VMA21: variants seen among roughly 807,000 people sequenced by gnomAD.
VMA21 encodes vacuolar ATPase assembly factor VMA21.
For missense variants in VMA21, 61 were observed against 80.6 expected (o/e 0.76, Z 0.93); for synonymous variants, 47 against 34.1 (o/e 1.38, Z -1.32).
At position 151,404,897 on chromosome X, in the gene VMA21, G is replaced by C. The variant is rs773306168; in HGVS notation, c.164-19G>C. ...TAAATTTTGCAATAAAATGGAAACT[G>C]TTTTTTTTCTCTTGATAGGCGCCCT... is the stretch of plus-strand genomic sequence containing the variant. On this transcript the variant is annotated intron_variant, in intron 2 of 2. Coordinates refer to ENST00000330374, the MANE Select transcript of VMA21 (RefSeq NM_001017980.4). 1.0e-5 allele frequency: 12 copies of C among 1,195,713 alleles called. No individual in the cohort carries two copies. Among genetic ancestry groups the C allele is most frequent in the African/African-American group, 1.8e-5 (1 of 55,376 alleles).
chrX:151,397,466 G>A (rs756607797), intron 1 of VMA21, 105 bp downstream of exon 1: 2 of 953,013 alleles, frequency 2.1e-6, no homozygotes, highest in Admixed American at 2.8e-5. Flanking sequence ...TCTGGACCCC[G>A]GGGACCTGGC....
At chrX:151,397,801 C>T (rs1176472855) in intron 1 of VMA21, among the ~76,000 whole-genome samples, 1 of 111,704 alleles carries the variant, frequency 9.0e-6, no homozygotes, top group East Asian at 2.8e-4. Context: ...GATTGCTTCA[C>T]TTGGGGAATC....
At position 151,406,810 on chromosome X, in the gene VMA21, ATTTATTT is replaced by A. The variant is rs1007726810; in HGVS notation, c.*1758_*1764del. On this transcript the variant is annotated 3_prime_UTR_variant, in exon 3 of 3. Transcript: ENST00000330374. ...AAACCATTACCGATTTGTTGTTCAC[ATTTATTT>A]TTTATGTTGTGAAACTGGACTAAAG... is the stretch of plus-strand genomic sequence containing the variant. 8.9e-6 allele frequency: 1 copy of A among 112,486 alleles called. No homozygotes were observed. The highest frequency in any genetic ancestry group is 3.2e-5 in the African/African-American group (1 of 30,953). The allele number at this position is 112,486 out of a possible 1,213,427, so 9.3% of individuals were successfully genotyped here. A position where few individuals can be genotyped will look rare whatever the true frequency, so the allele number is the denominator to read the frequency against.
intron 1 of VMA21, among the ~76,000 whole-genome samples, chrX:151,399,463 A>G (rs1185530265): frequency 8.9e-6 from 1 of 112,469 alleles, no homozygotes; most frequent in Non-Finnish European, 1.9e-5. Context: ...TTCCTTTAAC[A>G]AGTTAGATAA....
At position 151,407,522 on chromosome X, in the gene VMA21, A is replaced by G. The variant is rs1007549104; in HGVS notation, c.*2464A>G. The G allele has an allele frequency of 8.9e-6, 1 of 112,943 alleles. No homozygotes were observed. The highest frequency in any genetic ancestry group is 1.9e-5 in the Non-Finnish European group (1 of 53,330). The allele number at this position is 112,943 out of a possible 1,213,427, so 9.3% of individuals were successfully genotyped here. A position where few individuals can be genotyped will look rare whatever the true frequency, so the allele number is the denominator to read the frequency against. On this transcript the variant is annotated 3_prime_UTR_variant, in exon 3 of 3. Transcript: ENST00000330374. ...CAGTTGAGCCCTTATACATGTTTTA[A>G]GGTAGAAATATGTTCCCTATTGTTT...
intron 1 of VMA21, among the ~76,000 whole-genome samples, chrX:151,401,512 G>T (rs1355989813): frequency 8.9e-6 from 1 of 111,869 alleles, no homozygotes; most frequent in Non-Finnish European, 1.9e-5. Flanking sequence ...GGTTCTGTAT[G>T]ATGAATTTTA....
At chrX:151,396,845 C>T (rs1299317335), upstream of VMA21, 1 of 518,953 alleles carries the variant, frequency 1.9e-6, no homozygotes, top group African/African-American at 2.3e-5. Flanking sequence ...CTCATATGCT[C>T]GGGTCTCCTT....
In VMA21 at chrX:151,408,834, G is replaced by T. The variant is rs781342453; in HGVS notation, c.*3776G>T. 1.8e-5 allele frequency: 2 copies of T among 112,214 alleles called. No individual in the cohort carries two copies. The highest frequency in any genetic ancestry group is 6.5e-5 in the African/African-American group (2 of 30,726). 9.2% of individuals were successfully genotyped at this position (112,214 alleles called of 1,213,427 possible). A position where few individuals can be genotyped will look rare whatever the true frequency, so the allele number is the denominator to read the frequency against. ...CATCACTCCTGGCCACACTTTCCTT[G>T]CCTGTGTTGTTGCTATGTGTATTTG... is the stretch of plus-strand genomic sequence containing the variant. On this transcript the variant is annotated 3_prime_UTR_variant, in exon 3 of 3. Transcript: ENST00000330374.
At chrX:151,397,130 G>C (rs1434502617), upstream of VMA21, 3 of 357,084 alleles carry the variant, frequency 8.4e-6, no homozygotes, top group Admixed American at 1.3e-4. Flanking sequence ...GCCGCGCCGC[G>C]CCTGCGTACT....
chrX:151,403,601 C>T lies in VMA21; in HGVS notation c.54-30C>T, dbSNP rs773884302. ...GCGTTTGGATATGACTGTGCAGGTT[C>T]TGATTTTCTCTTTGTTTACTTTATT... On this transcript the variant is annotated intron_variant, in intron 1 of 2. Transcript: ENST00000330374. The T allele has an allele frequency of 1.6e-5, 18 of 1,093,272 alleles. No individual in the cohort carries two copies. The South Asian group carries it at 3.1e-4, about 19-fold the overall frequency. The allele number at this position is 1,093,272 out of a possible 1,213,427, so 90.1% of individuals were successfully genotyped here.
intron 1 of VMA21, 131 bp from the exon 2 acceptor site, chrX:151,403,500 T>A: frequency 3.6e-6 from 2 of 560,379 alleles, no homozygotes; most frequent in South Asian, 4.8e-5. Flanking sequence ...GATCTTCGGA[T>A]TACGAGTCCC....
chrX:151,396,832 C>T (rs1388017059), upstream of VMA21: 5 of 512,870 alleles, frequency 9.7e-6, no homozygotes, highest in South Asian at 7.6e-5. Context: ...TCCCTCTTCG[C>T]GGCTCATATG....
rs1015052002 is a variant in VMA21 at position 151,406,128 on chromosome X, A to G, written c.*1070A>G. The G allele has an allele frequency of 2.7e-5, 3 of 111,629 alleles. No homozygotes were observed. Among genetic ancestry groups the G allele is most frequent in the African/African-American group, 9.8e-5 (3 of 30,717 alleles). 9.2% of individuals were successfully genotyped at this position (111,629 alleles called of 1,213,427 possible). ...TAAAATCATAGTATATGTTCTTTGT[A>G]GAAAACTGGAAAAATACATATTCAA... On this transcript the variant is annotated 3_prime_UTR_variant, in exon 3 of 3. Transcript: ENST00000330374.
In VMA21 at chrX:151,397,332, G is replaced by A. The variant is rs752573385; in HGVS notation, c.24G>A (p.Ala8=). 3.9e-5 allele frequency: 45 copies of A among 1,161,596 alleles called. No individual in the cohort carries two copies. The East Asian group carries it at 1.0e-3, about 26-fold the overall frequency. The part of the protein sequence containing the change: MERPDKA[A]LNALQPPEFR... Reference sequence around the variant, plus strand: ...CCATGGAGCGCCCGGATAAGGCGGCGCTGAACGCACTGCAGCCTCCTGAGT... The same window carrying A: ...CCATGGAGCGCCCGGATAAGGCGGCACTGAACGCACTGCAGCCTCCTGAGT... Residue 8 remains alanine (A), a synonymous_variant, in exon 1 of 3, where the codon GCG becomes GCA. Coordinates refer to ENST00000330374, the MANE Select transcript of VMA21 (RefSeq NM_001017980.4).
chrX:151,398,976 C>T (rs2011216650), intron 1 of VMA21, among the ~76,000 whole-genome samples: 1 of 112,776 alleles, frequency 8.9e-6, no homozygotes, highest in Non-Finnish European at 1.9e-5. Context: ...TGAATAGCAT[C>T]AGTTGCTTTG....
intron 1 of VMA21, among the ~76,000 whole-genome samples, chrX:151,400,536 A>G (rs2011229806): frequency 8.9e-6 from 1 of 111,956 alleles, no homozygotes; most frequent in Admixed American, 9.5e-5. Context: ...TATTTTTACG[A>G]GGTAGTGATT....
chrX:151,398,255 C>A (rs1232464136), intron 1 of VMA21, among the ~76,000 whole-genome samples: 1 of 104,763 alleles, frequency 9.5e-6, no homozygotes, highest in African/African-American at 3.6e-5. Flanking sequence ...AGGTAAACTG[C>A]ATGTCACGGG....
upstream of VMA21, chrX:151,397,126 C>A (rs2011198215): frequency 1.1e-5 from 4 of 356,749 alleles, no homozygotes; most frequent in Admixed American, 2.5e-4. Context: ...CCGCGCCGCG[C>A]CGCGCCTGCG....
At position 151,397,294 on chromosome X, in the gene VMA21, C is replaced by A. The variant is rs1312569013; in HGVS notation, c.-15C>A. The A allele has an allele frequency of 6.1e-6, 7 of 1,155,872 alleles. No homozygotes were observed. The highest frequency in any genetic ancestry group is 8.0e-6 in the Non-Finnish European group (7 of 870,234). ...CAGCTCCGCCGCCGAGCGCCTGTGC[C>A]GGCACGGCTACACCATGGAGCGCCC... On this transcript the variant is annotated 5_prime_UTR_variant, in exon 1 of 3. Transcript: ENST00000330374.
Sources: allele counts gnomAD v4.1 joint callset (sites outside exome capture counted in the v4.1 genomes callset), GRCh38; gene constraint gnomAD v4.1.1; transcripts MANE v1.5; gene names NCBI Gene and HGNC (gene_info 2026-07-23, HGNC 2026-07-21).